RAB3GAP1: variants seen among roughly 807,000 people sequenced by gnomAD.
RAB3GAP1 encodes the protein RAB3 GTPase activating protein catalytic subunit 1, also known as rab3 GTPase-activating protein catalytic subunit.
In RAB3GAP1, 86 loss-of-function variants were observed where a neutral mutation model predicts 130.7. The ratio of observed to expected loss-of-function variants is 0.66; its 90% CI spans 0.55 to 0.79. The LOEUF is 0.79. Ranked by LOEUF, RAB3GAP1 falls within the 30% of genes least tolerant of loss-of-function variation. The pLI is 0.00. For synonymous variants in RAB3GAP1, 367 were observed against 401.7 expected, an observed-to-expected ratio of 0.91 and a Z score of 1.03; for missense variants, 1,029 against 1,169.4, an observed-to-expected ratio of 0.88 and a Z score of 1.75.
intron 2 of RAB3GAP1, among the ~76,000 whole-genome samples, chr2:135,057,585 T>C (rs1304137956): frequency 6.6e-6 from 1 of 152,136 alleles, no homozygotes. Context: ...TGTGCTGGGC[T>C]GGTCTTGAAC....
chr2:135,074,535 C>T (rs778138913), intron 3 of RAB3GAP1, among the ~76,000 whole-genome samples: 1 of 152,132 alleles, frequency 6.6e-6, no homozygotes. Context: ...TTTTACTGGC[C>T]CTGGCCAGGA....
At chr2:135,106,159 C>A (rs951722627) in intron 5 of RAB3GAP1, among the ~76,000 whole-genome samples, 3 of 151,064 alleles carry the variant, frequency 2.0e-5, no homozygotes, top group Middle Eastern at 6.9e-3. Flanking sequence ...TCCGTCCGGC[C>A]GCCGCCCCGT....
At position 135,058,028 on chromosome 2, in the gene RAB3GAP1, A is replaced by G; in HGVS notation, c.92A>G (p.Glu31Gly). 1 of 1,612,356 alleles carries G rather than the reference A, an allele frequency of 6.2e-7. No homozygotes were observed. The highest frequency in any genetic ancestry group is 1.3e-5 in the African/African-American group (1 of 75,012). ...CTTCCTAGGTTTATTTCCAAAGTTGAAGAAGTCTTGAATGACTGGAAACTG... is the reference window on the plus strand; with the variant it reads ...CTTCCTAGGTTTATTTCCAAAGTTGGAGAAGTCTTGAATGACTGGAAACTG... ...SEWERFISKV[E>G]EVLNDWKLIG... Residue 31 changes from glutamate (E) to glycine (G), a missense_variant, in exon 3 of 24, where the codon GAA (glutamate) becomes GGA (glycine). This residue lies in a region of RAB3GAP1 where 510 missense variants were observed against 532.1 expected (regional missense o/e 0.96). Transcript: ENST00000264158.
chr2:135,056,120 G>A (rs1689003150), intron 2 of RAB3GAP1, among the ~76,000 whole-genome samples: 1 of 152,096 alleles, frequency 6.6e-6, no homozygotes. Context: ...ACAGGCATGA[G>A]CCACCACGCC....
chr2:135,071,281 CT>C (rs991275581), intron 3 of RAB3GAP1, among the ~76,000 whole-genome samples: 26 of 152,330 alleles, frequency 1.7e-4, no homozygotes, highest in African/African-American at 4.8e-4. Context: ...CTCTACCCCC[CT>C]AACTTCATCC....
At chr2:135,060,401 A>C (rs1689134054) in intron 3 of RAB3GAP1, among the ~76,000 whole-genome samples, 1 of 151,538 alleles carries the variant, frequency 6.6e-6, no homozygotes, top group African/African-American at 2.4e-5. Context: ...CTGCGACTAC[A>C]GGCACCCGCC....
intron 19 of RAB3GAP1, among the ~76,000 whole-genome samples, chr2:135,160,564 C>T (rs1052993001): frequency 2.7e-5 from 4 of 150,702 alleles, no homozygotes; most frequent in Admixed American, 6.7e-5. Flanking sequence ...GTCTTAGCTA[C>T]TCAGGAGGCT....
intron 15 of RAB3GAP1, among the ~76,000 whole-genome samples, chr2:135,134,286 T>C (rs1033460441): frequency 6.6e-6 from 1 of 152,222 alleles, no homozygotes; most frequent in African/African-American, 2.4e-5. Flanking sequence ...GAAAATTAGA[T>C]TGATTACAGT....
downstream of RAB3GAP1, among the ~76,000 whole-genome samples, chr2:135,173,890 C>T (rs1016624762): frequency 6.6e-6 from 1 of 152,182 alleles, no homozygotes; most frequent in Non-Finnish European, 1.5e-5. Flanking sequence ...CTCGATGCCT[C>T]TATGGCAAAA....
chr2:135,091,849 A>G (rs1351578843), intron 4 of RAB3GAP1, among the ~76,000 whole-genome samples: 1 of 152,226 alleles, frequency 6.6e-6, no homozygotes, highest in Non-Finnish European at 1.5e-5. Flanking sequence ...AGTGCATAAC[A>G]GTGAGTGAGC....
rs889133514 is a variant in RAB3GAP1, at chr2:135,105,502, G to A, written c.363-7649G>A. ...GCCAGCCTCGGCCTCTGGAGGTGCC[G>A]GGATTGCAGACGGAGTCTCGTTCAC... On this transcript the variant is annotated intron_variant, in intron 5 of 23. Coordinates refer to ENST00000264158, the MANE Select transcript of RAB3GAP1 (RefSeq NM_012233.3). Among the ~76,000 whole-genome samples the A allele has an allele frequency of 6.6e-5, 10 of 152,206 alleles. No homozygotes were observed. The East Asian group carries it at 9.7e-4, about 15-fold the overall frequency.
At chr2:135,145,114 A>C (rs1424081912) in intron 17 of RAB3GAP1, among the ~76,000 whole-genome samples, 1 of 152,182 alleles carries the variant, frequency 6.6e-6, no homozygotes, top group African/African-American at 2.4e-5. Flanking sequence ...TATGGGGTAC[A>C]TATGCTATTT....
chr2:135,133,416 G>A (rs1691599701), intron 14 of RAB3GAP1, among the ~76,000 whole-genome samples: 1 of 152,108 alleles, frequency 6.6e-6, no homozygotes, highest in African/African-American at 2.4e-5. Context: ...AATGACAAGT[G>A]TAGATATATA....
At chr2:135,064,972 C>T (rs142189312) in intron 3 of RAB3GAP1, among the ~76,000 whole-genome samples, 73 of 148,776 alleles carry the variant, frequency 4.9e-4, no homozygotes, top group African/African-American at 1.8e-3. Flanking sequence ...AAACTGCATT[C>T]TCTTTTCAGT....
rs375099600 is a variant in RAB3GAP1, at chr2:135,153,662, G to A, written c.2075G>A (p.Gly692Asp). ...DMESFKAANP[G>D]CSLEDFVRWY... ...GTCTTATTTTAGGCAGCTAATCCAG[G>A]TTGCTCCCTGGAAGATTTTGTGAGG... Residue 692 changes from glycine (G) to aspartate (D), a missense_variant, in exon 19 of 24, where the codon GGT (glycine) becomes GAT (aspartate). Gly to Asp is a moderately conservative substitution (Grantham distance 94, BLOSUM62 -1). Transcript: ENST00000264158. The A allele has an allele frequency of 2.5e-6, 4 of 1,613,778 alleles. No homozygotes were observed. The highest frequency in any genetic ancestry group is 2.2e-5 in the East Asian group (1 of 44,884).
At chr2:135,105,593 T>A (rs927917600) in intron 5 of RAB3GAP1, among the ~76,000 whole-genome samples, 2 of 151,994 alleles carry the variant, frequency 1.3e-5, no homozygotes, top group Non-Finnish European at 2.9e-5. Context: ...AACCTCCACC[T>A]CCCAGCCGCC....
Position 135,105,406 on chromosome 2 carries a change from A to AT in RAB3GAP1, c.363-7738dup, listed in dbSNP as rs533496318. Among the ~76,000 whole-genome samples the AT allele has an allele frequency of 5.3e-5, 8 of 151,396 alleles. No homozygotes were observed. In the South Asian group the frequency reaches 1.5e-3, roughly 28 times the overall value. Reference sequence around the variant, plus strand: ...GCCACCACGCCTGACTGGTTTTCGTATTTTTTTGGTGGAGACGGGGTTTCA... The same window carrying AT: ...GCCACCACGCCTGACTGGTTTTCGTATTTTTTTTGGTGGAGACGGGGTTTCA... On this transcript the variant is annotated intron_variant, in intron 5 of 23. Transcript: ENST00000264158.
intron 3 of RAB3GAP1, among the ~76,000 whole-genome samples, chr2:135,060,511 C>T (rs983912190): frequency 4.6e-5 from 7 of 151,726 alleles, no homozygotes; most frequent in South Asian, 2.1e-4. Flanking sequence ...CTGCCCGCCT[C>T]GGCCTCCCAA....
rs1053834257 is a variant in RAB3GAP1 at position 135,103,138 on chromosome 2, G to A, written c.362+9445G>A. ...TGCAACCTCTGCCTCCTGGGTTCAAGCAGTTCTCCTGCCTCAGCCTCCCGA... is the reference window on the plus strand; with the variant it reads ...TGCAACCTCTGCCTCCTGGGTTCAAACAGTTCTCCTGCCTCAGCCTCCCGA... On this transcript the variant is annotated intron_variant, in intron 5 of 23. Transcript: ENST00000264158. Among the ~76,000 whole-genome samples, 3 of 143,672 alleles carry A rather than the reference G, an allele frequency of 2.1e-5. No individual in the cohort carries two copies. In the East Asian group the frequency reaches 6.3e-4, roughly 30 times the overall value. The allele number at this position is 143,672 out of a possible 152,430, so 94.3% of individuals were successfully genotyped here.
Sources: allele counts gnomAD v4.1 joint callset (sites outside exome capture counted in the v4.1 genomes callset), GRCh38; gene constraint gnomAD v4.1.1; regional missense constraint gnomAD v4.1.1; transcripts MANE v1.5; gene names NCBI Gene and HGNC (gene_info 2026-07-23, HGNC 2026-07-21).